Variants in PRELID2 observed in about 807,000 individuals in gnomAD.
The protein encoded by PRELID2 is PRELI domain containing 2, also known as PRELI domain-containing protein 2.
In PRELID2, 25 loss-of-function variants were observed where a neutral mutation model predicts 28.4. The ratio of observed to expected loss-of-function variants is 0.88; its 90% CI spans 0.64 to 1.23. The LOEUF (loss-of-function observed/expected upper bound fraction) is 1.23, where lower values mean the gene tolerates loss of function less well. PRELID2 is among the 50% of genes most tolerant of loss of function. PRELID2 has a pLI of 0.00. For missense variants in PRELID2, 201 were observed against 214.4 expected, an observed-to-expected ratio of 0.94 and a Z score of 0.39; for synonymous variants, 76 against 71.6, an observed-to-expected ratio of 1.06 and a Z score of -0.31.
the PRELID2 span, among the ~76,000 whole-genome samples, chr5:145,418,078 G>C: frequency 6.6e-6 from 1 of 152,202 alleles, no homozygotes; most frequent in East Asian, 1.9e-4. Flanking sequence ...CACAGAAATT[G>C]CTAGCATTTT....
At chr5:145,335,344 C>G in the PRELID2 span, among the ~76,000 whole-genome samples, 1 of 152,018 alleles carries the variant, frequency 6.6e-6, no homozygotes, top group South Asian at 2.1e-4. Flanking sequence ...TGTATAACTT[C>G]TAATTTTTTT....
the PRELID2 span, among the ~76,000 whole-genome samples, chr5:145,290,518 C>T: frequency 6.7e-6 from 1 of 148,682 alleles, no homozygotes; most frequent in African/African-American, 2.5e-5. Context: ...CCAAACACCA[C>T]ATGTTCTCAC....
Position 145,740,279 on chromosome 5 carries a change from T to C in PRELID2, n.70+24652A>G, listed in dbSNP as rs1349383733. Among the ~76,000 whole-genome samples, 121 of 56,968 alleles carry C rather than the reference T, an allele frequency of 2.1e-3. 1 individual carries two copies. The highest frequency in any genetic ancestry group is 2.8e-3 in the Non-Finnish European group (84 of 30,334). The allele number at this position is 56,968 out of a possible 152,430, so 37.4% of individuals were successfully genotyped here. ...AGGATTTATCAAATATATATATATA[T>C]ATATATATATATATATATATATATA... On this transcript the variant is annotated intron_variant and non_coding_transcript_variant, in intron 1 of 2. Coordinates refer to the PRELID2 transcript ENST00000510259.
chr5:145,633,416 C>T lies in PRELID2; in HGVS notation n.70+131515G>A, dbSNP rs561283821. On this transcript the variant is annotated intron_variant and non_coding_transcript_variant, in intron 1 of 2. Transcript: ENST00000510259. Reference sequence around the variant, plus strand: ...TCCCCAGGTCTAAGGTCTGACTCGGCCTTTGCATGAATAGTAAACTCTAGT... The same window carrying T: ...TCCCCAGGTCTAAGGTCTGACTCGGTCTTTGCATGAATAGTAAACTCTAGT... 3.3e-5 allele frequency among the ~76,000 whole-genome samples: 5 copies of T among 152,302 alleles called. No homozygotes were observed. The South Asian group carries it at 8.3e-4, about 25-fold the overall frequency.
At chr5:145,474,422 A>G (rs1752081647) in intron 1 of PRELID2, among the ~76,000 whole-genome samples, 1 of 152,208 alleles carries the variant, frequency 6.6e-6, no homozygotes, top group Non-Finnish European at 1.5e-5. Flanking sequence ...ATATTATTAC[A>G]TAGAAATCTG....
the PRELID2 span, among the ~76,000 whole-genome samples, chr5:145,275,732 G>C: frequency 6.6e-6 from 1 of 152,136 alleles, no homozygotes; most frequent in Admixed American, 6.6e-5. Flanking sequence ...TGAGAAGACA[G>C]TTGTCTAATA....
chr5:145,729,901 A>G (rs1310410491), intron 1 of PRELID2, among the ~76,000 whole-genome samples: 1 of 152,184 alleles, frequency 6.6e-6, no homozygotes. Flanking sequence ...AGCCCAGACT[A>G]TTTATTGGTG....
At chr5:145,321,771 G>A in the PRELID2 span, among the ~76,000 whole-genome samples, 1 of 152,144 alleles carries the variant, frequency 6.6e-6, no homozygotes, top group Non-Finnish European at 1.5e-5. Flanking sequence ...CTATCTTTGT[G>A]CTGAGAAGTT....
chr5:145,414,868 G>A, the PRELID2 span, among the ~76,000 whole-genome samples: 1 of 152,134 alleles, frequency 6.6e-6, no homozygotes, highest in Admixed American at 6.6e-5. Context: ...CCACATGGGA[G>A]GATTCTGTTT....
the PRELID2 span, among the ~76,000 whole-genome samples, chr5:145,357,167 A>G: frequency 1.3e-5 from 2 of 152,076 alleles, no homozygotes; most frequent in Non-Finnish European, 1.5e-5. Context: ...AGCTGCCTTT[A>G]ACATTTTTTT....
downstream of PRELID2, among the ~76,000 whole-genome samples, chr5:145,752,183 C>T (rs963802674): frequency 4.6e-5 from 7 of 152,114 alleles, no homozygotes; most frequent in African/African-American, 1.4e-4. Flanking sequence ...TCTGCAAAAC[C>T]CTTTCCTTTA....
chr5:145,771,968 A>G (rs1758135430), intron 5 of PRELID2, among the ~76,000 whole-genome samples: 1 of 152,170 alleles, frequency 6.6e-6, no homozygotes, highest in African/African-American at 2.4e-5. Context: ...ATCAAAAGGT[A>G]AGAGAATACT....
At chr5:145,822,748 TAA>T (rs1581277655) in intron 2 of PRELID2, among the ~76,000 whole-genome samples, 1 of 152,218 alleles carries the variant, frequency 6.6e-6, no homozygotes, top group East Asian at 1.9e-4. Flanking sequence ...AATGAATTAA[TAA>T]GAGTACCTGC....
intron 1 of PRELID2, among the ~76,000 whole-genome samples, chr5:145,566,733 G>A (rs764191462): frequency 2.6e-4 from 39 of 151,774 alleles, no homozygotes; most frequent in Non-Finnish European, 4.6e-4. Context: ...CCAGCTGCTC[G>A]GGAGGGTGAT....
chr5:145,413,434 G>A, the PRELID2 span, among the ~76,000 whole-genome samples: 1 of 152,218 alleles, frequency 6.6e-6, no homozygotes, highest in African/African-American at 2.4e-5. Flanking sequence ...ATTCCTTGAA[G>A]AACTAAAAGT....
chr5:145,283,483 T>C, the PRELID2 span, among the ~76,000 whole-genome samples: 1 of 152,170 alleles, frequency 6.6e-6, no homozygotes, highest in Non-Finnish European at 1.5e-5. Context: ...TGGAAATAAA[T>C]TCCATTTTTA....
chr5:145,827,065 A>T lies in PRELID2; in HGVS notation c.76-3931T>A, dbSNP rs115873032. Among the ~76,000 whole-genome samples, 727 of 152,324 alleles carry T rather than the reference A, an allele frequency of 4.8e-3. 8 individuals are homozygous for T. Among genetic ancestry groups the T allele is most frequent in the African/African-American group, 0.015 (618 of 41,566 alleles). ...GTACAAGGAAGCAGGTGACTGACAG[A>T]TCTGTCTGAAGAGTCCTTCAAAGAA... On this transcript the variant is annotated intron_variant, in intron 1 of 6. Transcript: ENST00000683046.
At chr5:145,485,113 G>A (rs1363552) in intron 1 of PRELID2, among the ~76,000 whole-genome samples, 41,690 of 152,056 alleles carry the variant, frequency 0.27, 5,920 homozygotes, top group South Asian at 0.37. Context: ...ACTTCAAACA[G>A]TCATACATGC....
intron 1 of PRELID2, among the ~76,000 whole-genome samples, chr5:145,722,097 AATGTATCAAACATTAAACCCTG>A (rs1277713260): frequency 3.9e-5 from 6 of 152,190 alleles, no homozygotes; most frequent in Non-Finnish European, 7.3e-5. Context: ...ATCTTATAGA[AATGTATCAAACATTAAACCCTG>A]ATAATAGAAA....
Sources: allele counts gnomAD v4.1 joint callset (sites outside exome capture counted in the v4.1 genomes callset), GRCh38; gene constraint gnomAD v4.1.1; transcripts MANE v1.5; gene names NCBI Gene and HGNC (gene_info 2026-07-23, HGNC 2026-07-21).